PDE1A: variants seen among roughly 807,000 people sequenced by gnomAD.
PDE1A encodes phosphodiesterase 1A, also known as dual specificity calcium/calmodulin-dependent 3',5'-cyclic nucleotide phosphodiesterase 1A.
In PDE1A, 35 loss-of-function variants were observed where a neutral mutation model predicts 61.7. The ratio of observed to expected loss-of-function variants is 0.57; its 90% CI spans 0.43 to 0.75. The LOEUF (loss-of-function observed/expected upper bound fraction) is 0.75. Ranked by LOEUF, PDE1A falls within the 30% of genes least tolerant of loss-of-function variation. PDE1A has a pLI of 0.00. For missense variants in PDE1A, 597 were observed against 630.6 expected, an observed-to-expected ratio of 0.95 and a Z score of 0.57; for synonymous variants, 232 against 213.2, an observed-to-expected ratio of 1.09 and a Z score of -0.77.
At chr2:182,204,198 T>G (rs1686901633) in intron 8 of PDE1A, among the ~76,000 whole-genome samples, 1 of 152,182 alleles carries the variant, frequency 6.6e-6, no homozygotes, top group African/African-American at 2.4e-5. Flanking sequence ...GAAAATAAAC[T>G]AATACCCTAG....
At chr2:182,676,086 G>A in the PDE1A span, among the ~76,000 whole-genome samples, 7 of 151,964 alleles carry the variant, frequency 4.6e-5, no homozygotes, top group South Asian at 8.3e-4. Flanking sequence ...ATACTTTTTG[G>A]TTTTACATTT....
intron 2 of PDE1A, among the ~76,000 whole-genome samples, chr2:182,491,435 G>A (rs564199030): frequency 2.0e-5 from 3 of 152,282 alleles, no homozygotes; most frequent in South Asian, 4.1e-4. Context: ...GAGAGGCAGT[G>A]TGAAGGTACA....
intron 2 of PDE1A, among the ~76,000 whole-genome samples, chr2:182,507,485 C>G (rs563673319): frequency 6.6e-6 from 1 of 152,130 alleles, no homozygotes. Flanking sequence ...CTTCTTCACA[C>G]GCCAGTTTGA....
At chr2:182,665,057 G>A in the PDE1A span, among the ~76,000 whole-genome samples, 1 of 152,064 alleles carries the variant, frequency 6.6e-6, no homozygotes, top group Non-Finnish European at 1.5e-5. Flanking sequence ...ATCAAACTTT[G>A]TTTTCTCCAA....
rs5836834 is a variant in PDE1A at position 182,408,181 on chromosome 2, CA to C, written c.53+18396del. 5.9e-3 allele frequency among the ~76,000 whole-genome samples: 686 copies of C among 116,070 alleles called. 3 individuals carry two copies. Among genetic ancestry groups the C allele is most frequent in the African/African-American group, 0.017 (513 of 30,134 alleles). 76.1% of individuals were successfully genotyped at this position (116,070 alleles called of 152,430 possible). ...AAAATTATTTTTTAAAAGTATCTGC[CA>C]AAAAAAAAAAAAAAAAAGCAGTGGC... On this transcript the variant is annotated intron_variant, in intron 1 of 13. Transcript: ENST00000351439.
chr2:182,349,703 T>G (rs139877186), intron 1 of PDE1A, among the ~76,000 whole-genome samples: 7 of 152,044 alleles, frequency 4.6e-5, no homozygotes, highest in African/African-American at 1.7e-4. Context: ...GAGGTTGCAG[T>G]GAGCCGAGAT....
chr2:182,173,293 G>T (rs1164800573), intron 13 of PDE1A, among the ~76,000 whole-genome samples: 1 of 152,014 alleles, frequency 6.6e-6, no homozygotes, highest in Non-Finnish European at 1.5e-5. Flanking sequence ...GAAAACTTTT[G>T]AGTTGTACCT....
chr2:182,519,187 C>T (rs1690401780), intron 2 of PDE1A, among the ~76,000 whole-genome samples: 3 of 152,068 alleles, frequency 2.0e-5, no homozygotes. Flanking sequence ...TCATAAGAAA[C>T]TTCTGAATCA....
the PDE1A span, among the ~76,000 whole-genome samples, chr2:182,633,543 G>C: frequency 6.6e-6 from 1 of 152,134 alleles, no homozygotes; most frequent in African/African-American, 2.4e-5. Flanking sequence ...GGAAACCATG[G>C]GGAAGGAGGA....
chr2:182,296,844 G>A lies in PDE1A; in HGVS notation c.54-32430C>T, dbSNP rs553506832. On this transcript the variant is annotated intron_variant, in intron 1 of 13. Coordinates refer to ENST00000351439, the Ensembl canonical transcript of PDE1A. ...AGTACACATCATCAATCCATTGAAG[G>A]CCTGAATAGAACAAAAAGGTGGAAA... Among the ~76,000 whole-genome samples the A allele has an allele frequency of 1.8e-3, 269 of 152,264 alleles. 1 individual carries two copies. Among genetic ancestry groups the A allele is most frequent in the African/African-American group, 6.3e-3 (263 of 41,548 alleles).
At chr2:182,303,164 G>A (rs895923950) in intron 1 of PDE1A, among the ~76,000 whole-genome samples, 21 of 152,098 alleles carry the variant, frequency 1.4e-4, no homozygotes, top group Non-Finnish European at 3.1e-4. Flanking sequence ...CTAGAATGGT[G>A]AATCTTTTCC....
chr2:182,200,486 A>G (rs1376076095), intron 10 of PDE1A, among the ~76,000 whole-genome samples: 1 of 152,220 alleles, frequency 6.6e-6, no homozygotes, highest in Non-Finnish European at 1.5e-5. Context: ...TGGATGGTGA[A>G]AACATTGACA....
chr2:182,336,976 T>A (rs79441283), intron 1 of PDE1A, among the ~76,000 whole-genome samples: 6 of 148,596 alleles, frequency 4.0e-5, no homozygotes, highest in Non-Finnish European at 8.9e-5. Context: ...TTTTTTTTTT[T>A]AAATAAAGAA....
At chr2:182,559,612 C>G in the PDE1A span, among the ~76,000 whole-genome samples, 1 of 152,162 alleles carries the variant, frequency 6.6e-6, no homozygotes, top group Non-Finnish European at 1.5e-5. Context: ...CATGGCCCAG[C>G]AATTCTCTCC....
At chr2:182,585,433 G>A in the PDE1A span, among the ~76,000 whole-genome samples, 60 of 152,256 alleles carry the variant, frequency 3.9e-4, no homozygotes, top group Admixed American at 3.9e-4. Context: ...GAAAGTGATC[G>A]TATTCATGAG....
intron 1 of PDE1A, among the ~76,000 whole-genome samples, chr2:182,352,079 C>T (rs1283238680): frequency 1.3e-5 from 2 of 152,164 alleles, no homozygotes; most frequent in Admixed American, 6.5e-5. Flanking sequence ...GCCGTGTGTG[C>T]ACCAAGACTG....
At chr2:182,483,398 T>G (rs1687823893) in intron 2 of PDE1A, among the ~76,000 whole-genome samples, 2 of 151,868 alleles carry the variant, frequency 1.3e-5, no homozygotes, top group African/African-American at 4.8e-5. Flanking sequence ...ACACAATATA[T>G]GCTAAACCAA....
intron 3 of PDE1A, among the ~76,000 whole-genome samples, chr2:182,238,112 C>CA (rs1470663266): frequency 4.6e-5 from 7 of 151,134 alleles, no homozygotes; most frequent in Admixed American, 1.3e-4. Context: ...ACTAAAAATG[C>CA]AAAAAAATTA....
rs758024601 is a variant in PDE1A, at chr2:182,251,677, C to T, written c.168-11385G>A. On this transcript the variant is annotated intron_variant, in intron 2 of 13. Coordinates refer to ENST00000351439, the Ensembl canonical transcript of PDE1A. Reference sequence around the variant, plus strand: ...ATGGAAGCTCTATACCAAGAAAATACGATTTACTTATTTTCTATGACATGT... The same window carrying T: ...ATGGAAGCTCTATACCAAGAAAATATGATTTACTTATTTTCTATGACATGT... Among the ~76,000 whole-genome samples, 133 of 152,242 alleles carry T rather than the reference C, an allele frequency of 8.7e-4. 2 individuals carry two copies. The highest frequency in any genetic ancestry group is 3.4e-3 in the Middle Eastern group (1 of 294).
Sources: allele counts gnomAD v4.1 joint callset (sites outside exome capture counted in the v4.1 genomes callset), GRCh38; gene constraint gnomAD v4.1.1; transcripts MANE v1.5; gene names NCBI Gene and HGNC (gene_info 2026-07-23, HGNC 2026-07-21).